Variants in ADAMTS17 observed in about 807,000 individuals in gnomAD.
ADAMTS17 encodes A disintegrin and metalloproteinase with thrombospondin motifs 17.
ADAMTS17 carries 113 observed loss-of-function variants against 141.5 expected under a neutral mutation model. That is an observed-to-expected ratio of 0.80 (90% CI 0.69 to 0.93). The LOEUF is 0.93. ADAMTS17 is among the 40% of genes least tolerant of loss of function. The pLI is 0.00. For missense variants in ADAMTS17, 1,659 were observed against 1,517.9 expected, an observed-to-expected ratio of 1.09 and a Z score of -1.54; for synonymous variants, 768 against 630.6, an observed-to-expected ratio of 1.22 and a Z score of -3.27.
chr15:100,010,466 G>A (rs1339149914), intron 18 of ADAMTS17, among the ~76,000 whole-genome samples: 1 of 152,200 alleles, frequency 6.6e-6, no homozygotes, highest in Non-Finnish European at 1.5e-5. Context: ...TGGGAGGCAA[G>A]GCCCTTCCCA....
intron 18 of ADAMTS17, among the ~76,000 whole-genome samples, chr15:100,023,806 G>T (rs2727113): frequency 6.6e-6 from 1 of 152,072 alleles, no homozygotes; most frequent in East Asian, 1.9e-4. Context: ...TGATCTTTGC[G>T]CTGATCTCCA....
chr15:100,116,598 T>C (rs1291484708), intron 13 of ADAMTS17, among the ~76,000 whole-genome samples: 2 of 152,206 alleles, frequency 1.3e-5, no homozygotes, highest in Admixed American at 6.5e-5. Context: ...TCGCTACAAA[T>C]GGGGTTGCAG....
intron 17 of ADAMTS17, among the ~76,000 whole-genome samples, chr15:100,050,767 C>T (rs1366097122): frequency 1.3e-5 from 2 of 152,328 alleles, no homozygotes; most frequent in African/African-American, 2.4e-5. Flanking sequence ...CCAGGTCAAC[C>T]TTCTGTCCCA....
chr15:100,170,653 C>T lies in ADAMTS17; in HGVS notation c.1182-15333G>A, dbSNP rs2040124995. ...TTTATTCAGAGGAAATGCTCTAGGT[C>T]AATTGGTTTTCTATCAGCCTGTTTT... On this transcript the variant is annotated intron_variant, in intron 8 of 21. Coordinates refer to ENST00000268070, the MANE Select transcript of ADAMTS17 (RefSeq NM_139057.4). 2.0e-5 allele frequency among the ~76,000 whole-genome samples: 3 copies of T among 152,288 alleles called. No homozygotes were observed. In the South Asian group the frequency reaches 6.2e-4, roughly 32 times the overall value.
At chr15:99,988,731 T>C (rs1261389956) in intron 20 of ADAMTS17, among the ~76,000 whole-genome samples, 1 of 152,144 alleles carries the variant, frequency 6.6e-6, no homozygotes, top group Non-Finnish European at 1.5e-5. Context: ...AGGCTCCATC[T>C]TACCTGACAG....
At chr15:100,114,332 C>A (rs905392399) in intron 13 of ADAMTS17, among the ~76,000 whole-genome samples, 1 of 152,088 alleles carries the variant, frequency 6.6e-6, no homozygotes, top group Admixed American at 6.6e-5. Flanking sequence ...AGGAAACGTT[C>A]CTATCACGGC....
intron 15 of ADAMTS17, among the ~76,000 whole-genome samples, chr15:100,092,293 C>A (rs914332146): frequency 6.6e-6 from 1 of 152,166 alleles, no homozygotes; most frequent in Non-Finnish European, 1.5e-5. Flanking sequence ...CATTTAATGG[C>A]CTCTGAGTTT....
chr15:100,246,311 G>C (rs1186484399), intron 7 of ADAMTS17, among the ~76,000 whole-genome samples: 3 of 152,166 alleles, frequency 2.0e-5, no homozygotes, highest in African/African-American at 7.2e-5. Context: ...CTTTTAAGCA[G>C]ATGGTCTATT....
chr15:100,340,857 T>A (rs932370947), intron 2 of ADAMTS17, 182 bp downstream of exon 2: 3 of 903,980 alleles, frequency 3.3e-6, no homozygotes, highest in Non-Finnish European at 4.9e-6. Context: ...CCACCCCCTT[T>A]GCCTATAGAG....
At chr15:100,099,588 T>C (rs1177133471) in intron 14 of ADAMTS17, among the ~76,000 whole-genome samples, 1 of 152,210 alleles carries the variant, frequency 6.6e-6, no homozygotes, top group African/African-American at 2.4e-5. Context: ...TTCCTAGGAA[T>C]CTTCATCACC....
intron 10 of ADAMTS17, among the ~76,000 whole-genome samples, chr15:100,151,210 G>T (rs1321528309): frequency 6.6e-6 from 1 of 152,272 alleles, no homozygotes; most frequent in South Asian, 2.1e-4. Context: ...CCTCGCAGGC[G>T]TGCTCCCCAG....
At chr15:100,272,654 C>A in intron 4 of ADAMTS17, among the ~76,000 whole-genome samples, 1 of 71,912 alleles carries the variant, frequency 1.4e-5, no homozygotes, top group Admixed American at 1.4e-4. Flanking sequence ...GATCATTTTA[C>A]TACTTCTTTT....
At chr15:100,223,417 C>T (rs997081541) in intron 7 of ADAMTS17, among the ~76,000 whole-genome samples, 1 of 152,062 alleles carries the variant, frequency 6.6e-6, no homozygotes, top group Non-Finnish European at 1.5e-5. Context: ...AACTAGTTTG[C>T]TACTTCTGCA....
intron 18 of ADAMTS17, among the ~76,000 whole-genome samples, chr15:100,040,941 A>G (rs2031194044): frequency 6.6e-6 from 1 of 152,226 alleles, no homozygotes; most frequent in East Asian, 1.9e-4. Flanking sequence ...AAAAGACAGG[A>G]AAGAAAATGT....
rs1023516750 is a variant in ADAMTS17, at chr15:99,993,542, G to C, written c.2797-342C>G. Among the ~76,000 whole-genome samples the C allele has an allele frequency of 2.0e-5, 3 of 152,204 alleles. No homozygotes were observed. Among genetic ancestry groups the C allele is most frequent in the Admixed American group, 2.0e-4 (3 of 15,284 alleles). On this transcript the variant is annotated intron_variant, in intron 19 of 21. Transcript: ENST00000268070. The surrounding 1 kb of genome is among the most constrained non-coding windows in gnomAD (Gnocchi z 4.3). ...GAGCTCGAAGGGCAGGTGTGTGATGGAGCCATGAGTGGGGCAGGGAACAGG... is the reference window on the plus strand; with the variant it reads ...GAGCTCGAAGGGCAGGTGTGTGATGCAGCCATGAGTGGGGCAGGGAACAGG...
rs563258162 is a variant in ADAMTS17 at position 100,038,701 on chromosome 15, T to A, written c.2591+10156A>T. Among the ~76,000 whole-genome samples the A allele has an allele frequency of 6.6e-5, 10 of 152,358 alleles. No homozygotes were observed. In the East Asian group the frequency reaches 1.9e-3, roughly 29 times the overall value. ...AAACATCCAGACCTTGTTTATTAGTTCTAATAGTTTTTAGAGATTCCTTAG... is the reference window on the plus strand; with the variant it reads ...AAACATCCAGACCTTGTTTATTAGTACTAATAGTTTTTAGAGATTCCTTAG... On this transcript the variant is annotated intron_variant, in intron 18 of 21. Transcript: ENST00000268070.
intron 18 of ADAMTS17, among the ~76,000 whole-genome samples, chr15:100,044,641 G>T (rs1188459681): frequency 1.3e-5 from 2 of 152,076 alleles, no homozygotes. Flanking sequence ...CAACATACAT[G>T]TCATCTTCCA....
intron 18 of ADAMTS17, among the ~76,000 whole-genome samples, chr15:100,008,238 G>C (rs1398553692): frequency 1.3e-5 from 2 of 152,076 alleles, no homozygotes; most frequent in Non-Finnish European, 2.9e-5. Flanking sequence ...GTGCCTGGGA[G>C]TCGGAGGGGG....
intron 18 of ADAMTS17, among the ~76,000 whole-genome samples, chr15:100,013,694 T>C (rs1458489892): frequency 2.0e-5 from 3 of 152,226 alleles, no homozygotes; most frequent in African/African-American, 7.2e-5. Flanking sequence ...ATTTATTGAC[T>C]TGTGTATATT....
Sources: gnomAD v4.1 joint callset for allele counts (sites outside exome capture counted in the v4.1 genomes callset) on GRCh38, gnomAD v4.1.1 for gene constraint, Gnocchi (gnomAD v3.1) non-coding constraint, MANE v1.5 for transcripts, NCBI Gene and HGNC (gene_info 2026-07-23, HGNC 2026-07-21) for gene names.